PLCL1: variants seen among roughly 807,000 people sequenced by gnomAD.
PLCL1 encodes inactive phospholipase C-like protein 1.
Under a neutral mutation model 84.4 loss-of-function variants are expected in PLCL1, and 41 were observed. That is an observed-to-expected ratio of 0.49 (90% CI 0.38 to 0.63). PLCL1 has a LOEUF of 0.63. Among genes scored for constraint, PLCL1 ranks in the 30% least tolerant of loss-of-function variants. The pLI is 0.00. For missense variants in PLCL1, 1,206 were observed against 1,367.8 expected (o/e 0.88, Z 1.87); for synonymous variants, 490 against 488.3 (o/e 1.00, Z -0.05).
rs532197317 is a variant in PLCL1, at chr2:198,084,628, T to G, written c.1111T>G (p.Phe371Val). 29 of 1,613,756 alleles carry G rather than the reference T, an allele frequency of 1.8e-5. No homozygotes were observed. The highest frequency in any genetic ancestry group is 2.5e-5 in the Non-Finnish European group (29 of 1,179,916). ...ELSEEGRQKG[F>V]LAIDGFTQYL... ...TTCTGAAGAGGGACGTCAAAAAGGG[T>G]TTCTTGCAATTGATGGCTTTACCCA... Residue 371 changes from phenylalanine to valine, a missense_variant, in exon 2 of 6, where the codon TTT becomes GTT. Coordinates refer to ENST00000428675, the MANE Select transcript of PLCL1 (RefSeq NM_006226.4).
intron 1 of PLCL1, among the ~76,000 whole-genome samples, chr2:197,954,369 T>A (rs1227866752): frequency 2.0e-5 from 3 of 152,232 alleles, no homozygotes; most frequent in South Asian, 4.1e-4. Context: ...CCACACTTTA[T>A]GTTGTTCACT....
At chr2:198,090,282 G>A (rs995736042) in intron 3 of PLCL1, among the ~76,000 whole-genome samples, 1 of 152,046 alleles carries the variant, frequency 6.6e-6, no homozygotes, top group African/African-American at 2.4e-5. Flanking sequence ...ATGGGAGATA[G>A]GATTTAAATT....
intron 1 of PLCL1, among the ~76,000 whole-genome samples, chr2:197,901,331 A>G (rs1688262876): frequency 6.6e-6 from 1 of 152,234 alleles, no homozygotes; most frequent in Non-Finnish European, 1.5e-5. Flanking sequence ...GCAAAAATAT[A>G]CAATCTTTTT....
At chr2:197,856,748 A>G (rs1687335719) in intron 1 of PLCL1, among the ~76,000 whole-genome samples, 1 of 152,194 alleles carries the variant, frequency 6.6e-6, no homozygotes, top group South Asian at 2.1e-4. Flanking sequence ...AGTTCAGACA[A>G]CCAAAGACCA....
At chr2:197,827,961 T>TA (rs2106422592) in intron 1 of PLCL1, among the ~76,000 whole-genome samples, 1 of 72,500 alleles carries the variant, frequency 1.4e-5, no homozygotes, top group Admixed American at 1.2e-4. Flanking sequence ...TTAGCAAATA[T>TA]GTTTTTTATA....
chr2:197,875,160 C>T (rs1017760569), intron 1 of PLCL1, among the ~76,000 whole-genome samples: 3 of 152,026 alleles, frequency 2.0e-5, no homozygotes, highest in East Asian at 1.9e-4. Flanking sequence ...GTGGTGTGCA[C>T]CTGTAGTCCC....
intron 1 of PLCL1, among the ~76,000 whole-genome samples, chr2:197,864,483 CT>C (rs112456376): frequency 0.21 from 28,806 of 139,142 alleles, 2,741 homozygotes; most frequent in East Asian, 0.28. Flanking sequence ...CAATAGCATT[CT>C]TTTTTTTTTT....
intron 1 of PLCL1, among the ~76,000 whole-genome samples, chr2:197,967,428 T>G (rs1283389149): frequency 1.5e-4 from 23 of 152,142 alleles, no homozygotes; most frequent in Admixed American, 1.4e-3. Context: ...TTCTGATCAC[T>G]TATTGATAAT....
chr2:197,967,120 C>A (rs978299205), intron 1 of PLCL1, among the ~76,000 whole-genome samples: 2 of 152,110 alleles, frequency 1.3e-5, no homozygotes, highest in African/African-American at 4.8e-5. Context: ...TGTGGATCCC[C>A]AGTGAGAACT....
chr2:197,871,016 T>C (rs1687642190), intron 1 of PLCL1, among the ~76,000 whole-genome samples: 1 of 152,054 alleles, frequency 6.6e-6, no homozygotes, highest in African/African-American at 2.4e-5. Flanking sequence ...GAGTGAACAT[T>C]TTGTATTGTG....
chr2:198,071,489 C>G (rs534631476), intron 1 of PLCL1, among the ~76,000 whole-genome samples: 1 of 151,808 alleles, frequency 6.6e-6, no homozygotes, highest in Non-Finnish European at 1.5e-5. Flanking sequence ...TTCCATTTCC[C>G]TACCTTTAGT....
intron 1 of PLCL1, among the ~76,000 whole-genome samples, chr2:197,995,847 A>C (rs2105816338): frequency 6.6e-6 from 1 of 152,248 alleles, no homozygotes; most frequent in East Asian, 1.9e-4. Flanking sequence ...AGATGCAATA[A>C]CTCCTATGAA....
chr2:198,126,201 A>G (rs1172034850), intron 5 of PLCL1, among the ~76,000 whole-genome samples: 2 of 151,920 alleles, frequency 1.3e-5, no homozygotes, highest in Admixed American at 1.3e-4. Flanking sequence ...TTCTCCAAAT[A>G]TCCCATGTGT....
chr2:197,990,206 G>T (rs1334453938), intron 1 of PLCL1, among the ~76,000 whole-genome samples: 2 of 152,118 alleles, frequency 1.3e-5, no homozygotes, highest in Non-Finnish European at 2.9e-5. Flanking sequence ...AGATGTAGCT[G>T]ACATGATGGG....
intron 1 of PLCL1, among the ~76,000 whole-genome samples, chr2:197,827,567 C>T (rs931105609): frequency 3.3e-5 from 5 of 149,974 alleles, no homozygotes; most frequent in Admixed American, 6.7e-5. Flanking sequence ...GTGTTGTCAA[C>T]AAAGTGGATA....
chr2:198,091,800 T>A (rs186585597), intron 3 of PLCL1, among the ~76,000 whole-genome samples: 153 of 152,154 alleles, frequency 1.0e-3, no homozygotes, highest in African/African-American at 3.4e-3. Flanking sequence ...CTGCTTAAAA[T>A]CCTCCAATGG....
intron 1 of PLCL1, among the ~76,000 whole-genome samples, chr2:198,033,541 G>A (rs6715070): frequency 0.69 from 104,486 of 152,022 alleles, 36,261 homozygotes; most frequent in Middle Eastern, 0.85. Context: ...TCTTGAGAAC[G>A]GTATCTGAGT....
At chr2:197,875,532 T>C (rs1002101283) in intron 1 of PLCL1, among the ~76,000 whole-genome samples, 7 of 152,090 alleles carry the variant, frequency 4.6e-5, no homozygotes, top group Non-Finnish European at 8.8e-5. Context: ...AAAGACCGCA[T>C]TGAGCTTCCT....
At chr2:197,949,954 A>G (rs1689357008) in intron 1 of PLCL1, among the ~76,000 whole-genome samples, 3 of 152,096 alleles carry the variant, frequency 2.0e-5, no homozygotes, top group Admixed American at 2.0e-4. Flanking sequence ...TGGAAGTGGG[A>G]GTTGAGATGA....
Sources: allele counts gnomAD v4.1 joint callset (sites outside exome capture counted in the v4.1 genomes callset), GRCh38; gene constraint gnomAD v4.1.1; transcripts MANE v1.5; gene names NCBI Gene and HGNC (gene_info 2026-07-23, HGNC 2026-07-21).